CTNNA2: variants seen among roughly 807,000 people sequenced by gnomAD.
The protein encoded by CTNNA2 is catenin alpha 2.
Under a neutral mutation model 101.0 loss-of-function variants are expected in CTNNA2, and 42 were observed. The observed-to-expected ratio is 0.42, with a 90% CI of 0.32 to 0.54. The LOEUF (loss-of-function observed/expected upper bound fraction) is 0.54. Among genes scored for constraint, CTNNA2 ranks in the 20% least tolerant of loss-of-function variants. CTNNA2 has a pLI of 0.14. For missense variants in CTNNA2, 871 were observed against 1,223.1 expected (o/e 0.71, Z 4.29); for synonymous variants, 450 against 456.4 (o/e 0.99, Z 0.18).
intron 3 of CTNNA2, among the ~76,000 whole-genome samples, chr2:79,805,454 A>G (rs890634316): frequency 3.3e-5 from 5 of 152,198 alleles, no homozygotes; most frequent in African/African-American, 9.6e-5. Context: ...AATTTTCCAC[A>G]TGTGGCATTT....
chr2:80,106,703 GA>G (rs1700910129), intron 7 of CTNNA2, among the ~76,000 whole-genome samples: 1 of 151,968 alleles, frequency 6.6e-6, no homozygotes, highest in African/African-American at 2.4e-5. Context: ...CAATTCTTAG[GA>G]AATTCTGGAG....
intron 3 of CTNNA2, among the ~76,000 whole-genome samples, chr2:79,808,007 C>G (rs866871045): frequency 1.1e-4 from 16 of 152,148 alleles, no homozygotes; most frequent in African/African-American, 3.9e-4. Flanking sequence ...AAGGACTCAT[C>G]ATGATCTATG....
chr2:80,644,956 A>G (rs1388040326), intron 18 of CTNNA2, among the ~76,000 whole-genome samples: 1 of 152,172 alleles, frequency 6.6e-6, no homozygotes, highest in African/African-American at 2.4e-5. Context: ...ATTAAACACC[A>G]TCTATTTGAA....
chr2:80,623,250 C>G (rs1671328346), intron 18 of CTNNA2, among the ~76,000 whole-genome samples: 1 of 151,680 alleles, frequency 6.6e-6, no homozygotes, highest in Non-Finnish European at 1.5e-5. Flanking sequence ...ACGTATGATG[C>G]ATTCATAGAA....
intron 16 of CTNNA2, among the ~76,000 whole-genome samples, chr2:80,604,622 A>AT (rs1204185801): frequency 6.6e-6 from 1 of 152,018 alleles, no homozygotes; most frequent in Non-Finnish European, 1.5e-5. Context: ...ACATTTAAAA[A>AT]ATATATATTT....
intron 3 of CTNNA2, among the ~76,000 whole-genome samples, chr2:79,368,712 C>T (rs987071801): frequency 6.6e-6 from 1 of 152,160 alleles, no homozygotes; most frequent in South Asian, 2.1e-4. Context: ...ACGCTACACC[C>T]TTCCCTTTAC....
intron 4 of CTNNA2, among the ~76,000 whole-genome samples, chr2:79,455,316 C>G (rs530535247): frequency 2.0e-5 from 3 of 152,234 alleles, no homozygotes; most frequent in South Asian, 2.1e-4. Flanking sequence ...CACTCTATGA[C>G]ATTGGAGCTT....
intron 1 of CTNNA2, among the ~76,000 whole-genome samples, chr2:79,585,148 A>G (rs1008771363): frequency 6.6e-6 from 1 of 152,032 alleles, no homozygotes; most frequent in Non-Finnish European, 1.5e-5. Context: ...GAAAATGCCT[A>G]TCTTTTAGAT....
intron 7 of CTNNA2, among the ~76,000 whole-genome samples, chr2:80,191,397 G>A (rs1008512838): frequency 6.6e-6 from 1 of 152,102 alleles, no homozygotes; most frequent in Non-Finnish European, 1.5e-5. Flanking sequence ...TTCAGTACTT[G>A]CTGTGTGCCA....
intron 11 of CTNNA2, among the ~76,000 whole-genome samples, chr2:80,553,172 T>A (rs1692728542): frequency 1.3e-5 from 2 of 150,356 alleles, no homozygotes; most frequent in African/African-American, 4.9e-5. Context: ...TGTGGTGAGC[T>A]GGGATTGCGT....
intron 4 of CTNNA2, among the ~76,000 whole-genome samples, chr2:79,460,597 C>T (rs925765161): frequency 2.0e-5 from 3 of 152,198 alleles, no homozygotes; most frequent in African/African-American, 4.8e-5. Context: ...AGCCTTCATT[C>T]CATCCTTTAT....
intron 7 of CTNNA2, among the ~76,000 whole-genome samples, chr2:80,059,974 A>T (rs539565874): frequency 6.6e-6 from 1 of 152,332 alleles, no homozygotes; most frequent in South Asian, 2.1e-4. Context: ...CAATCAATTG[A>T]TTCATCTATT....
At chr2:79,973,310 G>A (rs1284825256) in intron 7 of CTNNA2, among the ~76,000 whole-genome samples, 1 of 152,120 alleles carries the variant, frequency 6.6e-6, no homozygotes, top group African/African-American at 2.4e-5. Flanking sequence ...CTGATGGATG[G>A]CCTCTGGGAT....
At chr2:79,531,801 G>A (rs1362492319) in intron 1 of CTNNA2, among the ~76,000 whole-genome samples, 1 of 151,668 alleles carries the variant, frequency 6.6e-6, no homozygotes, top group Non-Finnish European at 1.5e-5. Flanking sequence ...CCTGCCTCTG[G>A]TTCCTGAGTT....
intron 4 of CTNNA2, among the ~76,000 whole-genome samples, chr2:79,476,142 G>A (rs758716440): frequency 2.0e-5 from 3 of 152,230 alleles, no homozygotes; most frequent in South Asian, 2.1e-4. Context: ...GCAAAAGCAA[G>A]TGTGATTTGA....
At chr2:79,310,890 T>C (rs529916308) in intron 2 of CTNNA2, among the ~76,000 whole-genome samples, 347 of 152,342 alleles carry the variant, frequency 2.3e-3, no homozygotes, top group Non-Finnish European at 3.4e-3. Context: ...TTCTTAGACT[T>C]GTGTATTTCT....
intron 9 of CTNNA2, among the ~76,000 whole-genome samples, chr2:80,447,728 G>A (rs916028803): frequency 6.6e-6 from 1 of 151,678 alleles, no homozygotes; most frequent in African/African-American, 2.4e-5. Flanking sequence ...ATAATCCCTT[G>A]ATGTACCCAA....
In CTNNA2 at chr2:79,615,887, G is replaced by T. The variant is rs79500892; in HGVS notation, c.-5-35665G>T. Among the ~76,000 whole-genome samples, 491 of 152,290 alleles carry T rather than the reference G, an allele frequency of 3.2e-3. 7 individuals carry two copies. The highest frequency in any genetic ancestry group is 0.031 in the East Asian group (161 of 5,168). The stretch of plus-strand genomic sequence containing the variant: ...ACTCAGTGATACATGCAGGTGACTT[G>T]TAAATCACGTAAAAATATTCTGTGG... On this transcript the variant is annotated intron_variant, in intron 1 of 18. Coordinates refer to ENST00000402739, the MANE Select transcript of CTNNA2 (RefSeq NM_001282597.3).
intron 2 of CTNNA2, among the ~76,000 whole-genome samples, chr2:79,215,141 G>A (rs902880606): frequency 3.5e-4 from 53 of 152,306 alleles, no homozygotes; most frequent in African/African-American, 1.2e-3. Flanking sequence ...CAGAGTTCCA[G>A]GGGCTCTGGG....
Sources: gnomAD v4.1 joint callset for allele counts (sites outside exome capture counted in the v4.1 genomes callset) on GRCh38, gnomAD v4.1.1 for gene constraint, MANE v1.5 for transcripts, NCBI Gene and HGNC (gene_info 2026-07-23, HGNC 2026-07-21) for gene names.